PRM2: variants seen among roughly 807,000 people sequenced by gnomAD.
The protein encoded by PRM2 is protamine-2.
Under a neutral mutation model 10.7 loss-of-function variants are expected in PRM2, and 6 were observed. That is an observed-to-expected ratio of 0.56 (90% CI 0.31 to 1.11). The LOEUF is 1.11. Ranked by LOEUF, PRM2 falls within the 50% of genes least tolerant of loss-of-function variation. The pLI, the probability that PRM2 is intolerant of heterozygous loss-of-function variation, is 0.06. For missense variants in PRM2, 194 were observed against 147.7 expected, an observed-to-expected ratio of 1.31 and a Z score of -1.62; for synonymous variants, 64 against 54.8, an observed-to-expected ratio of 1.17 and a Z score of -0.74.
intron 1 of PRM2, 76 bp from the exon 2 acceptor site, chr16:11,276,013 C>A (rs771682610): frequency 2.5e-6 from 4 of 1,609,944 alleles, no homozygotes; most frequent in African/African-American, 1.3e-5. Context: ...GGGGCTGGAG[C>A]TTTTGTCAGG....
chr16:11,276,128 G>A lies in PRM2; in HGVS notation c.243C>T (p.Ser81=). ...TGCGATGCCTCCTCCGGTGCCTGCA[G>A]GAGCGTCTTTTGCGCCTTCTGCAGG... ...HRSCRRRKRR[S]CRHRRRHRRG... Residue 81 remains serine, a synonymous_variant, in exon 1 of 2, where the codon TCC becomes TCT. Transcript: ENST00000241808. The A allele has an allele frequency of 2.5e-6, 4 of 1,612,862 alleles. No homozygotes were observed. Among genetic ancestry groups the A allele is most frequent in the Non-Finnish European group, 3.4e-6 (4 of 1,180,000 alleles).
rs1306028283 is a variant in PRM2 at position 11,275,875 on chromosome 16, G to A, written c.*25C>T. 6.2e-7 allele frequency: 1 copy of A among 1,613,984 alleles called. No homozygotes were observed. Among genetic ancestry groups the A allele is most frequent in the Non-Finnish European group, 8.5e-7 (1 of 1,179,996 alleles). ...TCGGGCGACTTTTTCTTAATTTCCAGCTGGGGGTGAGGGGCCCAGGAAGCT... is the reference window on the plus strand; with the variant it reads ...TCGGGCGACTTTTTCTTAATTTCCAACTGGGGGTGAGGGGCCCAGGAAGCT... On this transcript the variant is annotated 3_prime_UTR_variant, in exon 2 of 2. Coordinates refer to ENST00000241808, the MANE Select transcript of PRM2 (RefSeq NM_002762.4).
rs766402016 is a variant in PRM2, at chr16:11,275,685, C to G, written c.*215G>C. On this transcript the variant is annotated 3_prime_UTR_variant, in exon 2 of 2. Transcript: ENST00000241808. The stretch of plus-strand genomic sequence containing the variant: ...GCAGGTGACTTTTGCTCGTTTCACT[C>G]AGATCTTGTGGGCTTCTCGGCGGCA... The G allele has an allele frequency of 1.3e-5, 16 of 1,187,106 alleles. No individual in the cohort carries two copies. Among genetic ancestry groups the G allele is most frequent in the Non-Finnish European group, 1.7e-5 (14 of 843,668 alleles). The allele number at this position is 1,187,106 out of a possible 1,614,324, so 73.5% of individuals were successfully genotyped here.
chr16:11,276,084 G>A lies in PRM2; in HGVS notation c.271+16C>T, dbSNP rs557463085. The A allele has an allele frequency of 7.9e-5, 127 of 1,609,648 alleles. 3 individuals carry two copies. The East Asian group carries it at 8.5e-4, about 11-fold the overall frequency. ...TGGTCAGGGACATGCAGGGCAAGGCGGGGGCGCAGGCAGACCTCTGCGATG... is the reference window on the plus strand; with the variant it reads ...TGGTCAGGGACATGCAGGGCAAGGCAGGGGCGCAGGCAGACCTCTGCGATG... On this transcript the variant is annotated intron_variant, in intron 1 of 1. Transcript: ENST00000241808.
Position 11,275,733 on chromosome 16 carries a change from G to GT in PRM2, c.*166dup. ...GCAACTCAGGGCTTGAGCATTTGAT[G>GT]TAGGGGAGTTGCTATGGCCTCACTC... On this transcript the variant is annotated 3_prime_UTR_variant, in exon 2 of 2. Transcript: ENST00000241808. 2 of 1,494,016 alleles carry GT rather than the reference G, an allele frequency of 1.3e-6. No homozygotes were observed. Among genetic ancestry groups the GT allele is most frequent in the Middle Eastern group, 4.6e-4 (2 of 4,350 alleles). 92.5% of individuals were successfully genotyped at this position (1,494,016 alleles called of 1,614,324 possible).
Position 11,276,284 on chromosome 16 carries a change from G to C in PRM2, c.87C>G (p.His29Gln), listed in dbSNP as rs758881355. The change falls in exon 1 of 2, where the codon CAC (histidine) becomes CAG (glutamine). Residue 29 changes from histidine to glutamine, a missense_variant. By Grantham distance (24) the His-to-Gln change is conservative (BLOSUM62 0). Transcript: ENST00000241808. ...QQLHGQEQGHHGQEEQGLSPE... is the reference protein window; with the variant it reads ...QQLHGQEQGHQGQEEQGLSPE... Reference sequence around the variant, plus strand: ...GGCTCAGCCCTTGCTCCTCTTGGCCGTGGTGTCCTTGCTCTTGCCCATGCA... The same window carrying C: ...GGCTCAGCCCTTGCTCCTCTTGGCCCTGGTGTCCTTGCTCTTGCCCATGCA... The C allele has an allele frequency of 6.2e-7, 1 of 1,614,264 alleles. No homozygotes were observed. The highest frequency in any genetic ancestry group is 1.3e-5 in the African/African-American group (1 of 75,068).
rs1194210981 is a variant in PRM2, at chr16:11,275,896, A to T, written c.*4T>A. ...TCCAGCTGGGGGTGAGGGGCCCAGG[A>T]AGCTTAGTGCCTTCTGCATGTTCTC... On this transcript the variant is annotated 3_prime_UTR_variant, in exon 2 of 2. Coordinates refer to ENST00000241808, the MANE Select transcript of PRM2 (RefSeq NM_002762.4). 6.2e-7 allele frequency: 1 copy of T among 1,614,012 alleles called. No individual in the cohort carries two copies. The highest frequency in any genetic ancestry group is 1.7e-5 in the Admixed American group (1 of 60,010).
rs2069841681 is a variant in PRM2 at position 11,275,644 on chromosome 16, T to A, written c.*256A>T. The A allele has an allele frequency of 1.2e-6, 1 of 821,794 alleles. No homozygotes were observed. Among genetic ancestry groups the A allele is most frequent in the East Asian group, 2.7e-5 (1 of 37,544 alleles). 50.9% of individuals were successfully genotyped at this position (821,794 alleles called of 1,614,324 possible). A position where few individuals can be genotyped will look rare whatever the true frequency, so the allele number is the denominator to read the frequency against. ...AAACCCGACAGGCCAGCGAGTGTCT[T>A]GTCAAGCTTTATTGGGCAGGTGACT... On this transcript the variant is annotated 3_prime_UTR_variant, in exon 2 of 2. Transcript: ENST00000241808.
At position 11,276,083 on chromosome 16, in the gene PRM2, C is replaced by CG; in HGVS notation, c.271+16dup. ...GTGGTCAGGGACATGCAGGGCAAGGCGGGGGCGCAGGCAGACCTCTGCGAT... is the reference window on the plus strand; with the variant it reads ...GTGGTCAGGGACATGCAGGGCAAGGCGGGGGGCGCAGGCAGACCTCTGCGAT... On this transcript the variant is annotated intron_variant, in intron 1 of 1. Coordinates refer to ENST00000241808, the MANE Select transcript of PRM2 (RefSeq NM_002762.4). The CG allele has an allele frequency of 6.2e-7, 1 of 1,608,986 alleles. No homozygotes were observed. The highest frequency in any genetic ancestry group is 8.5e-7 in the Non-Finnish European group (1 of 1,179,274).
Position 11,275,697 on chromosome 16 carries a change from G to T in PRM2, c.*203C>A. 1 of 1,277,884 alleles carries T rather than the reference G, an allele frequency of 7.8e-7. No individual in the cohort carries two copies. The highest frequency in any genetic ancestry group is 1.1e-6 in the Non-Finnish European group (1 of 917,034). The allele number at this position is 1,277,884 out of a possible 1,614,324, so 79.2% of individuals were successfully genotyped here. A position where few individuals can be genotyped will look rare whatever the true frequency, so the allele number is the denominator to read the frequency against. On this transcript the variant is annotated 3_prime_UTR_variant, in exon 2 of 2. Transcript: ENST00000241808. ...TGCTCGTTTCACTCAGATCTTGTGGGCTTCTCGGCGGCAACTCAGGGCTTG... is the reference window on the plus strand; with the variant it reads ...TGCTCGTTTCACTCAGATCTTGTGGTCTTCTCGGCGGCAACTCAGGGCTTG...
In PRM2 at chr16:11,275,760, G is replaced by A. The variant is rs1476150260; in HGVS notation, c.*140C>T. On this transcript the variant is annotated 3_prime_UTR_variant, in exon 2 of 2. Transcript: ENST00000241808. ...AGGGGAGTTGCTATGGCCTCACTCG[G>A]TGTTTCTTGGGCAGGTGACTTTCTC... The A allele has an allele frequency of 2.6e-6, 4 of 1,548,620 alleles. No homozygotes were observed. The highest frequency in any genetic ancestry group is 2.7e-5 in the African/African-American group (2 of 73,774).
Position 11,276,171 on chromosome 16 carries a change from T to C in PRM2, c.200A>G (p.His67Arg), listed in dbSNP as rs2069862431. 6.2e-7 allele frequency: 1 copy of C among 1,613,954 alleles called. No individual in the cohort carries two copies. ...HCSRRRLHRI[H>R]RRQHRSCRRR... Reference sequence around the variant, plus strand: ...TCTGCAGGAGCGATGCTGCCGCCTGTGGATCCGGTGCAGCCTCCTTCGAGA... The same window carrying C: ...TCTGCAGGAGCGATGCTGCCGCCTGCGGATCCGGTGCAGCCTCCTTCGAGA... The change falls in exon 1 of 2, where the codon CAC becomes CGC. Residue 67 changes from histidine to arginine, a missense_variant. Coordinates refer to ENST00000241808, the MANE Select transcript of PRM2 (RefSeq NM_002762.4).
In PRM2 at chr16:11,276,007, C is replaced by T. The variant is rs186310546; in HGVS notation, c.272-70G>A. 124 of 1,611,196 alleles carry T rather than the reference C, an allele frequency of 7.7e-5. No homozygotes were observed. In the African/African-American group the frequency reaches 1.5e-3, roughly 20 times the overall value. On this transcript the variant is annotated intron_variant, in intron 1 of 1. Coordinates refer to ENST00000241808, the MANE Select transcript of PRM2 (RefSeq NM_002762.4). The stretch of plus-strand genomic sequence containing the variant: ...CTGGGTGGGGACGGGGGTTAGGGGG[C>T]TGGAGCTTTTGTCAGGTGGGGTGGG...
At chr16:11,276,006 G>A in intron 1 of PRM2, 69 bp from the exon 2 acceptor site, 2 of 1,611,410 alleles carry the variant, frequency 1.2e-6, no homozygotes, top group South Asian at 1.1e-5. Flanking sequence ...GGGTTAGGGG[G>A]CTGGAGCTTT....
rs1212610150 is a variant in PRM2, at chr16:11,276,086, G to T, written c.271+14C>A. 2.5e-6 allele frequency: 4 copies of T among 1,609,868 alleles called. No individual in the cohort carries two copies. The highest frequency in any genetic ancestry group is 3.4e-6 in the Non-Finnish European group (4 of 1,179,582). Reference sequence around the variant, plus strand: ...GTCAGGGACATGCAGGGCAAGGCGGGGGCGCAGGCAGACCTCTGCGATGCC... The same window carrying T: ...GTCAGGGACATGCAGGGCAAGGCGGTGGCGCAGGCAGACCTCTGCGATGCC... On this transcript the variant is annotated intron_variant, in intron 1 of 1. Coordinates refer to ENST00000241808, the MANE Select transcript of PRM2 (RefSeq NM_002762.4).
At position 11,276,118 on chromosome 16, in the gene PRM2, G is replaced by A. The variant is rs556390542; in HGVS notation, c.253C>T (p.Arg85Trp). 10 of 1,611,972 alleles carry A rather than the reference G, an allele frequency of 6.2e-6. No individual in the cohort carries two copies. Among genetic ancestry groups the A allele is most frequent in the South Asian group, 4.4e-5 (4 of 91,084 alleles). The change falls in exon 1 of 2, where the codon CGG (arginine) becomes TGG (tryptophan). Residue 85 changes from arginine to tryptophan, a missense_variant. Coordinates refer to ENST00000241808, the MANE Select transcript of PRM2 (RefSeq NM_002762.4). Reference sequence around the variant, plus strand: ...GGCAGACCTCTGCGATGCCTCCTCCGGTGCCTGCAGGAGCGTCTTTTGCGC... The same window carrying A: ...GGCAGACCTCTGCGATGCCTCCTCCAGTGCCTGCAGGAGCGTCTTTTGCGC... ...RRRKRRSCRH[R>W]RRHRRGCRTR...
Position 11,276,316 on chromosome 16 carries a change from G to T in PRM2, c.55C>A (p.Gln19Lys). ...LSERSHEVYRQQLHGQEQGHH... is the reference protein window; with the variant it reads ...LSERSHEVYRKQLHGQEQGHH... ...CCTTGCTCTTGCCCATGCAACTGCT[G>T]CCTGTACACCTCGTGCGAGCGTTCG... is the stretch of plus-strand genomic sequence containing the variant. The change falls in exon 1 of 2, where the codon CAG becomes AAG. Residue 19 changes from glutamine (Q) to lysine (K), a missense_variant. By Grantham distance (53) the Gln-to-Lys change is moderately conservative. Transcript: ENST00000241808. 1.2e-6 allele frequency: 2 copies of T among 1,614,264 alleles called. No homozygotes were observed. Among genetic ancestry groups the T allele is most frequent in the East Asian group, 2.2e-5 (1 of 44,888 alleles).
chr16:11,276,011 A>G (rs967664929), intron 1 of PRM2, 74 bp from the exon 2 acceptor site: 1 of 1,609,198 alleles, frequency 6.2e-7, no homozygotes, highest in Non-Finnish European at 8.5e-7. Flanking sequence ...AGGGGGCTGG[A>G]GCTTTTGTCA....
intron 1 of PRM2, 34 bp downstream of exon 1, chr16:11,276,066 G>A: frequency 6.2e-7 from 1 of 1,611,070 alleles, no homozygotes; most frequent in African/African-American, 1.3e-5. Flanking sequence ...GGGTGGTCAG[G>A]GACATGCAGG....
Sources: allele counts gnomAD v4.1 joint callset, GRCh38; gene constraint gnomAD v4.1.1; transcripts MANE v1.5; gene names NCBI Gene and HGNC (gene_info 2026-07-23, HGNC 2026-07-21).